GALNT13: variants seen among roughly 807,000 people sequenced by gnomAD.
GALNT13 encodes polypeptide N-acetylgalactosaminyltransferase 13, also known as UDP-GalNAc:polypeptide N-acetylgalactosaminyltransferase 13.
GALNT13 carries 28 observed loss-of-function variants against 64.2 expected under a neutral mutation model. That is an observed-to-expected ratio of 0.44 (90% CI 0.32 to 0.60). The LOEUF (loss-of-function observed/expected upper bound fraction) is 0.60. Among genes scored for constraint, GALNT13 ranks in the 20% least tolerant of loss-of-function variants. The pLI is 0.05. For missense variants in GALNT13, 577 were observed against 669.8 expected, an observed-to-expected ratio of 0.86 and a Z score of 1.53; for synonymous variants, 214 against 224.6, an observed-to-expected ratio of 0.95 and a Z score of 0.42.
the GALNT13 span, among the ~76,000 whole-genome samples, chr2:153,523,043 ATTTTTTTTTTT>A: frequency 1.2e-5 from 1 of 83,404 alleles, no homozygotes; most frequent in African/African-American, 4.9e-5. Flanking sequence ...TGTGTTTACT[ATTTTTTTTTTT>A]TTTTTTTTTT....
chr2:153,232,409 C>A, the GALNT13 span, among the ~76,000 whole-genome samples: 1 of 152,154 alleles, frequency 6.6e-6, no homozygotes, highest in African/African-American at 2.4e-5. Context: ...TCTATTATTT[C>A]TTTGGTAGAA....
the GALNT13 span, among the ~76,000 whole-genome samples, chr2:153,320,355 TATTC>T: frequency 6.6e-6 from 1 of 152,212 alleles, no homozygotes; most frequent in Non-Finnish European, 1.5e-5. Context: ...TTTGTTCACT[TATTC>T]ATCCACTTAC....
chr2:153,351,828 C>G, the GALNT13 span, among the ~76,000 whole-genome samples: 1 of 152,146 alleles, frequency 6.6e-6, no homozygotes. Flanking sequence ...ATTCCATTAT[C>G]TGGATGTACC....
At chr2:153,102,374 C>G in the GALNT13 span, among the ~76,000 whole-genome samples, 3 of 151,876 alleles carry the variant, frequency 2.0e-5, no homozygotes, top group African/African-American at 7.3e-5. Flanking sequence ...TCTTTGTAAT[C>G]ATTTCAGTGG....
intron 1 of GALNT13, among the ~76,000 whole-genome samples, chr2:153,890,503 A>C (rs1229170245): frequency 6.6e-6 from 1 of 151,894 alleles, no homozygotes; most frequent in Non-Finnish European, 1.5e-5. Context: ...TTCACACTGC[A>C]CCCCAACTTA....
the GALNT13 span, among the ~76,000 whole-genome samples, chr2:153,569,539 T>A: frequency 7.2e-5 from 11 of 151,970 alleles, no homozygotes; most frequent in East Asian, 1.2e-3. Context: ...AAAAAATCTT[T>A]TTATTTTTAA....
At chr2:153,338,538 G>A in the GALNT13 span, among the ~76,000 whole-genome samples, 4 of 152,076 alleles carry the variant, frequency 2.6e-5, no homozygotes, top group Non-Finnish European at 5.9e-5. Context: ...ACAATATGAT[G>A]TTTTGATATA....
chr2:153,616,628 T>C, the GALNT13 span, among the ~76,000 whole-genome samples: 1 of 151,996 alleles, frequency 6.6e-6, no homozygotes, highest in South Asian at 2.1e-4. Flanking sequence ...TAGTTTTTAT[T>C]GTAGAGATCT....
rs754739183 is a variant in GALNT13, at chr2:153,944,513, T to G, written c.16T>G (p.Tyr6Asp). ...AAGGAAAGACATGAGGAGATTTGTCTACTGCAAGGTGGTTCTAGCCACTTC... is the reference window on the plus strand; with the variant it reads ...AAGGAAAGACATGAGGAGATTTGTCGACTGCAAGGTGGTTCTAGCCACTTC... MRRFV[Y>D]CKVVLATSLM... Residue 6 changes from tyrosine to aspartate, a missense_variant, in exon 3 of 13, where the codon TAC becomes GAC. Physicochemically the swap from Tyr to Asp is radical, Grantham distance 160. This residue lies in a region of GALNT13 where 341 missense variants were observed against 379.3 expected (regional missense o/e 0.90). Coordinates refer to ENST00000392825, the MANE Select transcript of GALNT13 (RefSeq NM_052917.4). 1.2e-6 allele frequency: 2 copies of G among 1,613,256 alleles called. No individual in the cohort carries two copies. Among genetic ancestry groups the G allele is most frequent in the East Asian group, 4.5e-5 (2 of 44,848 alleles).
At chr2:153,071,639 A>G in the GALNT13 span, among the ~76,000 whole-genome samples, 1 of 152,348 alleles carries the variant, frequency 6.6e-6, no homozygotes, top group Non-Finnish European at 1.5e-5. Flanking sequence ...TGACCGACAG[A>G]AATTGGCTAA....
the GALNT13 span, among the ~76,000 whole-genome samples, chr2:153,442,194 A>G: frequency 1.3e-5 from 2 of 152,138 alleles, no homozygotes; most frequent in African/African-American, 2.4e-5. Flanking sequence ...TTCTGCATCT[A>G]TTGAGATAAT....
the GALNT13 span, among the ~76,000 whole-genome samples, chr2:153,517,970 A>G: frequency 6.6e-6 from 1 of 152,152 alleles, no homozygotes; most frequent in East Asian, 1.9e-4. Context: ...GAAACACTTG[A>G]TATGATGCAC....
chr2:153,445,079 T>C, the GALNT13 span, among the ~76,000 whole-genome samples: 1 of 152,200 alleles, frequency 6.6e-6, no homozygotes, highest in Admixed American at 6.5e-5. Context: ...CATTGAACTT[T>C]TAGCCATGGT....
chr2:154,092,075 GAA>G (rs58406719), intron 3 of GALNT13, among the ~76,000 whole-genome samples: 2,249 of 74,350 alleles, frequency 0.03, 23 homozygotes, highest in South Asian at 0.068. Context: ...TTCATGTCTG[GAA>G]AAAAAAAAAA....
chr2:154,079,381 G>T (rs1701154126), intron 3 of GALNT13, among the ~76,000 whole-genome samples: 1 of 151,612 alleles, frequency 6.6e-6, no homozygotes, highest in Non-Finnish European at 1.5e-5. Context: ...GATATATTAT[G>T]CAAGTAGTCA....
chr2:153,646,613 T>A, the GALNT13 span, among the ~76,000 whole-genome samples: 1 of 151,790 alleles, frequency 6.6e-6, no homozygotes, highest in Non-Finnish European at 1.5e-5. Flanking sequence ...CTCTCCCCCC[T>A]CCCCCTACTC....
chr2:153,139,732 C>G, the GALNT13 span, among the ~76,000 whole-genome samples: 1 of 151,976 alleles, frequency 6.6e-6, no homozygotes, highest in Non-Finnish European at 1.5e-5. Flanking sequence ...GATATCAATG[C>G]TGTACTGCCA....
chr2:154,078,160 G>A (rs1701087877), intron 3 of GALNT13, among the ~76,000 whole-genome samples: 2 of 151,330 alleles, frequency 1.3e-5, no homozygotes, highest in Admixed American at 6.6e-5. Context: ...TTGCTTCTTT[G>A]GAGGGTATAT....
intron 4 of GALNT13, among the ~76,000 whole-genome samples, chr2:154,238,394 AG>A (rs1689307199): frequency 6.6e-6 from 1 of 152,034 alleles, no homozygotes; most frequent in Admixed American, 6.5e-5. Flanking sequence ...TTTTTCTGTA[AG>A]CTCTATTTAA....
Sources: gnomAD v4.1 joint callset for allele counts (sites outside exome capture counted in the v4.1 genomes callset) on GRCh38, gnomAD v4.1.1 for gene constraint, gnomAD v4.1.1 regional missense constraint, MANE v1.5 for transcripts, NCBI Gene and HGNC (gene_info 2026-07-23, HGNC 2026-07-21) for gene names.